Variants in LPP observed in about 807,000 individuals in gnomAD.
LPP encodes the protein LIM domain containing preferred translocation partner in lipoma.
Under a neutral mutation model 60.4 loss-of-function variants are expected in LPP, and 38 were observed. The ratio of observed to expected loss-of-function variants is 0.63; its 90% CI spans 0.49 to 0.83. LPP has a LOEUF of 0.83. Ranked by LOEUF, LPP falls within the 40% of genes least tolerant of loss-of-function variation. The pLI is 0.00. For missense variants in LPP, 902 were observed against 783.6 expected (o/e 1.15, Z -1.80); for synonymous variants, 328 against 290.8 (o/e 1.13, Z -1.30).
chr3:188,276,839 T>C (rs1251038811), intron 2 of LPP, among the ~76,000 whole-genome samples: 1 of 150,384 alleles, frequency 6.6e-6, no homozygotes, highest in Non-Finnish European at 1.5e-5. Context: ...GTTTCCTCTA[T>C]AGCCTGTAGA....
intron 1 of LPP, among the ~76,000 whole-genome samples, chr3:188,201,088 T>TAGGAC (rs1224805330): frequency 6.6e-6 from 1 of 152,206 alleles, no homozygotes; most frequent in African/African-American, 2.4e-5. Context: ...AGTCATACCC[T>TAGGAC]AGGACAGTTG....
intron 9 of LPP, among the ~76,000 whole-genome samples, chr3:188,823,238 TACTTTGCTCAAGCTGG>T (rs1754486609): frequency 1.3e-5 from 2 of 152,300 alleles, no homozygotes; most frequent in African/African-American, 4.8e-5. Context: ...GAAAGCATCT[TACTTTGCTCAAGCTGG>T]ACCTTTGTCA....
At chr3:188,540,221 A>G (rs1381399238) in intron 6 of LPP, among the ~76,000 whole-genome samples, 1 of 152,128 alleles carries the variant, frequency 6.6e-6, no homozygotes, top group African/African-American at 2.4e-5. Context: ...GTGGAATTAG[A>G]TGATCTCTCA....
At chr3:188,638,953 T>C (rs373913171) in intron 7 of LPP, among the ~76,000 whole-genome samples, 6 of 152,124 alleles carry the variant, frequency 3.9e-5, no homozygotes, top group Non-Finnish European at 7.3e-5. Flanking sequence ...AGGTAATTTA[T>C]AGATTCAATG....
chr3:188,313,309 A>G (rs1405163206), intron 2 of LPP, among the ~76,000 whole-genome samples: 1 of 147,288 alleles, frequency 6.8e-6, no homozygotes, highest in Non-Finnish European at 1.5e-5. Flanking sequence ...TCTGGCTTTT[A>G]ATGCCTGTTT....
chr3:188,407,654 T>C (rs1783835782), intron 4 of LPP, among the ~76,000 whole-genome samples: 1 of 152,162 alleles, frequency 6.6e-6, no homozygotes, highest in Non-Finnish European at 1.5e-5. Context: ...TTAGTGGAAC[T>C]GGCTTTCTTT....
At chr3:188,656,145 T>G (rs2149039347) in intron 7 of LPP, among the ~76,000 whole-genome samples, 1 of 146,676 alleles carries the variant, frequency 6.8e-6, no homozygotes, top group South Asian at 2.2e-4. Context: ...TGAGCCGAGG[T>G]CACGCCATTC....
intron 9 of LPP, among the ~76,000 whole-genome samples, chr3:188,845,537 G>T (rs181260656): frequency 6.6e-6 from 1 of 152,346 alleles, no homozygotes; most frequent in African/African-American, 2.4e-5. Context: ...TCACTGTGTA[G>T]ATTGCCTGTG....
At chr3:188,320,020 A>G (rs941514003) in intron 2 of LPP, among the ~76,000 whole-genome samples, 1 of 152,146 alleles carries the variant, frequency 6.6e-6, no homozygotes, top group Admixed American at 6.5e-5. Context: ...AGTCTGACTG[A>G]TGCTTTCTCA....
intron 9 of LPP, among the ~76,000 whole-genome samples, chr3:188,781,036 T>C (rs1739460716): frequency 6.6e-6 from 1 of 152,100 alleles, no homozygotes; most frequent in African/African-American, 2.4e-5. Flanking sequence ...GAGTTTTGAG[T>C]GAAAGGGAAG....
chr3:188,524,897 GTCCTTCCT>G (rs35581046), intron 6 of LPP, 110 bp downstream of exon 6: 60,841 of 233,112 alleles, frequency 0.26, 4,392 homozygotes, highest in East Asian at 0.34. Context: ...CCTTCCGTCC[GTCCTTCCT>G]TCCTTCCTTC....
chr3:188,768,852 G>A (rs772013844), intron 9 of LPP, among the ~76,000 whole-genome samples: 13 of 152,056 alleles, frequency 8.5e-5, no homozygotes, highest in Admixed American at 2.6e-4. Flanking sequence ...ATGTAGTGTT[G>A]TTAGCACATA....
Position 188,707,890 on chromosome 3 carries a change from T to C in LPP, c.1114-377T>C, listed in dbSNP as rs1865802936. Reference sequence around the variant, plus strand: ...TTTGCTCTTCCTGCAGCTGTTTTTCTTTAATTATTAATGTGCCTGTATCTC... The same window carrying C: ...TTTGCTCTTCCTGCAGCTGTTTTTCCTTAATTATTAATGTGCCTGTATCTC... On this transcript the variant is annotated intron_variant, in intron 7 of 11. Transcript: ENST00000617246. Among the ~76,000 whole-genome samples, 3 of 152,344 alleles carry C rather than the reference T, an allele frequency of 2.0e-5. No homozygotes were observed. In the South Asian group the frequency reaches 6.2e-4, roughly 32 times the overall value.
intron 7 of LPP, among the ~76,000 whole-genome samples, chr3:188,615,009 C>A (rs1051783542): frequency 2.0e-5 from 3 of 152,206 alleles, no homozygotes; most frequent in Non-Finnish European, 4.4e-5. Context: ...ATCCCCATTT[C>A]TCACTTGAAC....
intron 9 of LPP, among the ~76,000 whole-genome samples, chr3:188,862,720 T>A (rs9815224): frequency 0.34 from 13,982 of 41,184 alleles, 1,389 homozygotes; most frequent in East Asian, 0.58. Flanking sequence ...GACAAAAAAA[T>A]AAATAAATAA....
At chr3:188,710,725 A>G (rs911386225) in intron 8 of LPP, 4 of 151,956 alleles carry the variant, frequency 2.6e-5, no homozygotes, top group African/African-American at 7.2e-5. Context: ...CCAAGTATAT[A>G]TGCTTCAAAT....
intron 7 of LPP, among the ~76,000 whole-genome samples, chr3:188,673,883 TTC>T (rs1442788986): frequency 4.7e-4 from 37 of 79,444 alleles, no homozygotes; most frequent in African/African-American, 1.7e-3. Context: ...TGTAATTTTT[TTC>T]TTTTTTGTTT....
chr3:188,477,134 C>T (rs961003955), intron 4 of LPP, among the ~76,000 whole-genome samples: 4 of 152,214 alleles, frequency 2.6e-5, no homozygotes, highest in South Asian at 2.1e-4. Flanking sequence ...CTTCCTCACA[C>T]CACTGTATCT....
Position 188,708,290 on chromosome 3 carries a change from G to A in LPP, c.1137G>A (p.Gly379=). 1 of 1,614,118 alleles carries A rather than the reference G, an allele frequency of 6.2e-7. No homozygotes were observed. Among genetic ancestry groups the A allele is most frequent in the Non-Finnish European group, 8.5e-7 (1 of 1,180,006 alleles). ...QPKGGHSGQL[G]PSSVAPSFRP... ...AGGGTGGCCATTCAGGGCAACTGGG[G>A]CCTTCGTCAGTTGCCCCTTCATTCC... Residue 379 remains glycine, a synonymous_variant, in exon 8 of 12, where the codon GGG becomes GGA. Transcript: ENST00000617246.
Sources: gnomAD v4.1 joint callset for allele counts (sites outside exome capture counted in the v4.1 genomes callset) on GRCh38, gnomAD v4.1.1 for gene constraint, MANE v1.5 for transcripts, NCBI Gene and HGNC (gene_info 2026-07-23, HGNC 2026-07-21) for gene names.